Variants in GLS observed in about 807,000 individuals in gnomAD.
GLS encodes the protein glutaminase.
A neutral mutation model predicts 86.7 loss-of-function variants in GLS; 36 were observed. That is an observed-to-expected ratio of 0.42 (90% confidence interval 0.32 to 0.55). The LOEUF (loss-of-function observed/expected upper bound fraction) is 0.55. Ranked by LOEUF, GLS falls within the 20% of genes least tolerant of loss-of-function variation. The pLI, the probability that GLS is intolerant of heterozygous loss-of-function variation, is 0.17. For synonymous variants in GLS, 317 were observed against 305.9 expected (o/e 1.04, Z -0.38); for missense variants, 528 against 833.4 (o/e 0.63, Z 4.51).
Position 190,934,935 on chromosome 2 carries a change from A to G in GLS, c.1650+3298A>G, listed in dbSNP as rs374077462. The G allele has an allele frequency of 2.4e-4, 234 of 967,922 alleles. 1 individual carries two copies. In the East Asian group the frequency reaches 6.9e-3, roughly 28 times the overall value. 60.0% of individuals were successfully genotyped at this position (967,922 alleles called of 1,614,324 possible). Reference sequence around the variant, plus strand: ...AAAAAACTTTGCCAGTTTTAAGGACATATTTTGATTCTTTCAGTATTCTTA... The same window carrying G: ...AAAAAACTTTGCCAGTTTTAAGGACGTATTTTGATTCTTTCAGTATTCTTA... On this transcript the variant is annotated intron_variant, in intron 14 of 17. Coordinates refer to ENST00000320717, the MANE Select transcript of GLS (RefSeq NM_014905.5).
Position 190,881,249 on chromosome 2 carries a change from C to T in GLS, c.165C>T (p.His55=). ...GCCCGGCTGCCGCCGCGCGACTCCACCCGTGGTGGGGCGGGGGCGGCTGGC... is the reference window on the plus strand; with the variant it reads ...GCCCGGCTGCCGCCGCGCGACTCCATCCGTGGTGGGGCGGGGGCGGCTGGC... ...AAGPAAAARL[H]PWWGGGGWPA... Residue 55 remains histidine (H), a synonymous_variant, in exon 1 of 18, where the codon CAC becomes CAT. Coordinates refer to ENST00000320717, the MANE Select transcript of GLS (RefSeq NM_014905.5). 7.9e-7 allele frequency: 1 copy of T among 1,270,298 alleles called. No individual in the cohort carries two copies. 78.7% of individuals were successfully genotyped at this position (1,270,298 alleles called of 1,614,324 possible).
chr2:190,959,137 CTCT>C (rs1353163369), intron 17 of GLS, among the ~76,000 whole-genome samples: 1 of 151,940 alleles, frequency 6.6e-6, no homozygotes, highest in African/African-American at 2.4e-5. Flanking sequence ...GGATAGTTAG[CTCT>C]TCTTGTTGCA....
intron 14 of GLS, among the ~76,000 whole-genome samples, chr2:190,952,548 G>A (rs1690741495): frequency 6.6e-6 from 1 of 152,194 alleles, no homozygotes; most frequent in Admixed American, 6.5e-5. Context: ...AGGTTCATGG[G>A]TTTTGGAAGG....
chr2:190,885,822 T>G (rs1028625012), intron 1 of GLS, among the ~76,000 whole-genome samples: 1 of 151,976 alleles, frequency 6.6e-6, no homozygotes, highest in South Asian at 2.1e-4. Flanking sequence ...AATTTTTTTC[T>G]AGGTGATGAT....
At position 190,920,503 on chromosome 2, in the gene GLS, A is replaced by G. The variant is rs1267402099; in HGVS notation, c.1039-521A>G. On this transcript the variant is annotated intron_variant, in intron 7 of 17. Transcript: ENST00000320717. This position sits in a 1 kb window ranked among gnomAD's most constrained non-coding sequence, Gnocchi z 4.2. ...GCTTTCTCTGCAGTAGTAAAATGCAACCAGAATGTTTGCATATACTGGAAT... is the reference window on the plus strand; with the variant it reads ...GCTTTCTCTGCAGTAGTAAAATGCAGCCAGAATGTTTGCATATACTGGAAT... Among the ~76,000 whole-genome samples the G allele has an allele frequency of 6.6e-6, 1 of 151,822 alleles. No homozygotes were observed.
At position 190,905,344 on chromosome 2, in the gene GLS, ACCACTGGGAAGTGGGCT is replaced by A. The variant is rs1195980099; in HGVS notation, c.979+178_979+194del. On this transcript the variant is annotated intron_variant, in intron 6 of 17. Transcript: ENST00000320717. The surrounding 1 kb of genome is among the most constrained non-coding windows in gnomAD (Gnocchi z 4.6). Reference sequence around the variant, plus strand: ...AAAATGATTATTTTAGGCATCTCATACCACTGGGAAGTGGGCTAGGGAGAACATGAACTTCTCTCTTC... The same window carrying A: ...AAAATGATTATTTTAGGCATCTCATAAGGGAGAACATGAACTTCTCTCTTC... The A allele has an allele frequency of 1.9e-6, 1 of 531,732 alleles. No homozygotes were observed. Among genetic ancestry groups the A allele is most frequent in the Non-Finnish European group, 3.3e-6 (1 of 300,892 alleles). The allele number at this position is 531,732 out of a possible 1,614,324, so 32.9% of individuals were successfully genotyped here.
chr2:190,940,935 C>T (rs1690410062), intron 14 of GLS, among the ~76,000 whole-genome samples: 1 of 152,080 alleles, frequency 6.6e-6, no homozygotes, highest in South Asian at 2.1e-4. Flanking sequence ...CCATCCCCCT[C>T]AGCATTTCAC....
chr2:190,963,047 G>A lies in GLS; in HGVS notation c.*61G>A, dbSNP rs1691040947. The A allele has an allele frequency of 5.8e-6, 7 of 1,204,616 alleles. No homozygotes were observed. The East Asian group carries it at 1.7e-4, about 29-fold the overall frequency. 74.6% of individuals were successfully genotyped at this position (1,204,616 alleles called of 1,614,324 possible). A position where few individuals can be genotyped will look rare whatever the true frequency, so the allele number is the denominator to read the frequency against. The stretch of plus-strand genomic sequence containing the variant: ...TTTAATTGTGGAAAATGATTATGAA[G>A]AACATGTGTATTTCTATCTGGTAGT... On this transcript the variant is annotated 3_prime_UTR_variant, in exon 18 of 18. Transcript: ENST00000320717.
Position 190,895,690 on chromosome 2 carries a change from A to G in GLS, c.570A>G (p.Ser190=), listed in dbSNP as rs1169796829. ...DMLRLTLQTT[S]DGVMLDKDLF... is the part of the protein sequence containing the mutation. ...TAAGATTAACTCTTCAAACAACATC[A>G]GATGGTGTCATGCTAGACAAAGATC... The change falls in exon 3 of 18, where the codon TCA becomes TCG. Residue 190 remains serine, a synonymous_variant. Transcript: ENST00000320717. The surrounding 1 kb of genome is among the most constrained non-coding windows in gnomAD (Gnocchi z 4.2). 1.2e-6 allele frequency: 2 copies of G among 1,601,252 alleles called. No homozygotes were observed. Among genetic ancestry groups the G allele is most frequent in the Non-Finnish European group, 1.7e-6 (2 of 1,170,250 alleles).
chr2:190,891,668 T>C (rs1359483072), intron 1 of GLS, among the ~76,000 whole-genome samples: 1 of 152,150 alleles, frequency 6.6e-6, no homozygotes, highest in Non-Finnish European at 1.5e-5. Flanking sequence ...AGACAGTTCC[T>C]CTTTTCATGT....
rs1373058535 is a variant in GLS at position 190,964,855 on chromosome 2, T to C, written c.*1869T>C. 3 of 152,204 alleles carry C rather than the reference T, an allele frequency of 2.0e-5. No homozygotes were observed. Among genetic ancestry groups the C allele is most frequent in the Non-Finnish European group, 2.9e-5 (2 of 68,036 alleles). 9.4% of individuals were successfully genotyped at this position (152,204 alleles called of 1,614,324 possible). A position where few individuals can be genotyped will look rare whatever the true frequency, so the allele number is the denominator to read the frequency against. On this transcript the variant is annotated 3_prime_UTR_variant, in exon 18 of 18. Coordinates refer to ENST00000320717, the MANE Select transcript of GLS (RefSeq NM_014905.5). The surrounding 1 kb of genome is among the most constrained non-coding windows in gnomAD (Gnocchi z 5.2). ...TGTGACTAAAATGAAACAAGACAGT[T>C]GAATTGTGTGACTTGAAGATTACCA... is the stretch of plus-strand genomic sequence containing the variant.
intron 14 of GLS, among the ~76,000 whole-genome samples, chr2:190,945,058 T>G (rs1690544092): frequency 2.2e-5 from 1 of 45,562 alleles, no homozygotes; most frequent in South Asian, 7.2e-4. Flanking sequence ...AGGAAATTGC[T>G]TGACCCAGTA....
At chr2:190,957,341 C>G (rs1348850313) in intron 17 of GLS, among the ~76,000 whole-genome samples, 1 of 152,240 alleles carries the variant, frequency 6.6e-6, no homozygotes, top group Middle Eastern at 3.2e-3. Context: ...ATCTGCCTGC[C>G]TTGGCCTCCC....
In GLS at chr2:190,938,090, A is replaced by G. The variant is rs755028873; in HGVS notation, c.1650+6453A>G. ...AAGAAAAATTATATACCACATCTCA[A>G]TGGCAAAGAATAATTCATTGTATTT... On this transcript the variant is annotated intron_variant, in intron 14 of 17. Transcript: ENST00000320717. This position sits in a 1 kb window ranked among gnomAD's most constrained non-coding sequence, Gnocchi z 4.1. 3.3e-5 allele frequency among the ~76,000 whole-genome samples: 5 copies of G among 151,282 alleles called. No individual in the cohort carries two copies. The highest frequency in any genetic ancestry group is 5.9e-5 in the Non-Finnish European group (4 of 67,394).
At chr2:190,901,870 A>G in intron 4 of GLS, 77 bp from the exon 5 acceptor site, 2 of 900,760 alleles carry the variant, frequency 2.2e-6, no homozygotes, top group Non-Finnish European at 3.7e-6. Context: ...AAAATGAGAT[A>G]AGAAATTTGT....
chr2:190,954,491 A>G lies in GLS; in HGVS notation c.1713-93A>G, dbSNP rs1448500612. 2.6e-6 allele frequency: 2 copies of G among 779,420 alleles called. No individual in the cohort carries two copies. Among genetic ancestry groups the G allele is most frequent in the African/African-American group, 3.5e-5 (2 of 57,228 alleles). The allele number at this position is 779,420 out of a possible 1,614,324, so 48.3% of individuals were successfully genotyped here. On this transcript the variant is annotated intron_variant, in intron 15 of 17. Transcript: ENST00000320717. This position sits in a 1 kb window ranked among gnomAD's most constrained non-coding sequence, Gnocchi z 4.0. The stretch of plus-strand genomic sequence containing the variant: ...TGAGCTTGATGAAGGATGGCACCTG[A>G]CAGGGCCTTAAATGAACTGATGGAG...
In GLS at chr2:190,897,314, ATATT is replaced by A. The variant is rs1688778449; in HGVS notation, c.605+1593_605+1596del. On this transcript the variant is annotated intron_variant, in intron 3 of 17. Transcript: ENST00000320717. The surrounding 1 kb of genome is among the most constrained non-coding windows in gnomAD (Gnocchi z 4.3). ...TTACACGGTTTTAATACTTGAAAAA[ATATT>A]TATGTTTTGTAAACATGTTGTTATG... 6.6e-6 allele frequency among the ~76,000 whole-genome samples: 1 copy of A among 152,168 alleles called. No homozygotes were observed. The highest frequency in any genetic ancestry group is 2.1e-4 in the South Asian group (1 of 4,822).
rs1472815807 is a variant in GLS at position 190,895,068 on chromosome 2, G to T, written c.387-84G>T. On this transcript the variant is annotated intron_variant, in intron 1 of 17. Coordinates refer to ENST00000320717, the MANE Select transcript of GLS (RefSeq NM_014905.5). The surrounding 1 kb of genome is among the most constrained non-coding windows in gnomAD (Gnocchi z 4.2). The stretch of plus-strand genomic sequence containing the variant: ...ATGAGCTCAGCTGTAGTCTAGTTTA[G>T]TGGTTATTTAACAATGGATTTAGTT... 6.0e-6 allele frequency: 4 copies of T among 662,742 alleles called. No individual in the cohort carries two copies. The highest frequency in any genetic ancestry group is 5.5e-6 in the Non-Finnish European group (2 of 362,376). 41.1% of individuals were successfully genotyped at this position (662,742 alleles called of 1,614,324 possible).
intron 14 of GLS, among the ~76,000 whole-genome samples, chr2:190,942,903 C>T (rs1690481260): frequency 6.6e-6 from 1 of 152,150 alleles, no homozygotes; most frequent in African/African-American, 2.4e-5. Context: ...GTGTGTTGAT[C>T]TTAGAAATCA....
Sources: gnomAD v4.1 joint callset for allele counts (sites outside exome capture counted in the v4.1 genomes callset) on GRCh38, gnomAD v4.1.1 for gene constraint, Gnocchi (gnomAD v3.1) non-coding constraint, MANE v1.5 for transcripts, NCBI Gene and HGNC (gene_info 2026-07-23, HGNC 2026-07-21) for gene names.